Variants in NCOA6 observed in about 807,000 individuals in gnomAD.
NCOA6 encodes the protein nuclear receptor coactivator 6, also known as NRC RAP250.
NCOA6 carries 49 observed loss-of-function variants against 171.4 expected under a neutral mutation model. The observed-to-expected ratio is 0.29, with a 90% CI of 0.23 to 0.36. The LOEUF (loss-of-function observed/expected upper bound fraction) is 0.36. Ranked by LOEUF, NCOA6 falls within the 10% of genes least tolerant of loss-of-function variation. NCOA6 has a pLI of 1.00. For synonymous variants in NCOA6, 910 were observed against 927.5 expected, an observed-to-expected ratio of 0.98 and a Z score of 0.34; for missense variants, 2,248 against 2,554.5, an observed-to-expected ratio of 0.88 and a Z score of 2.59.
chr20:34,757,419 G>A lies in NCOA6; in HGVS notation c.1329C>T (p.Ser443=). 1 of 1,613,904 alleles carries A rather than the reference G, an allele frequency of 6.2e-7. No individual in the cohort carries two copies. Among genetic ancestry groups the A allele is most frequent in the Non-Finnish European group, 8.5e-7 (1 of 1,179,858 alleles). ...SSFQQGSPAS[S]PTVNQTQQQM... ...GCTGCTGAGTTTGGTTAACCGTTGG[G>A]GAGGATGCAGGGGATCCCTGCTGGA... Residue 443 remains serine, a synonymous_variant, in exon 7 of 15, where the codon TCC becomes TCT. Coordinates refer to ENST00000359003, the MANE Select transcript of NCOA6 (RefSeq NM_014071.5).
chr20:34,801,857 T>C (rs62211613), intron 1 of NCOA6, among the ~76,000 whole-genome samples: 6,261 of 146,728 alleles, frequency 0.043, 209 homozygotes, highest in Non-Finnish European at 0.075. Flanking sequence ...AGAGACTCCA[T>C]CTCAAAAACA....
At chr20:34,818,107 C>G (rs1423502974) in intron 1 of NCOA6, among the ~76,000 whole-genome samples, 1 of 152,196 alleles carries the variant, frequency 6.6e-6, no homozygotes, top group African/African-American at 2.4e-5. Context: ...AAAACCAGTG[C>G]CTACCTCATC....
At chr20:34,732,420 C>T (rs956594534) in intron 13 of NCOA6, 139 bp downstream of exon 13, 14 of 696,814 alleles carry the variant, frequency 2.0e-5, no homozygotes, top group South Asian at 9.3e-5. Context: ...CAGCTCTCTA[C>T]GTTAGCAGTA....
At position 34,764,337 on chromosome 20, in the gene NCOA6, T is replaced by C. The variant is rs542385271; in HGVS notation, c.514+4127A>G. Reference sequence around the variant, plus strand: ...CTCCTGACCTTGTGATCTGCTCACCTTGGCCTCCCAAAGTGCTGGGATTAC... The same window carrying C: ...CTCCTGACCTTGTGATCTGCTCACCCTGGCCTCCCAAAGTGCTGGGATTAC... On this transcript the variant is annotated intron_variant, in intron 5 of 14. Coordinates refer to ENST00000359003, the MANE Select transcript of NCOA6 (RefSeq NM_014071.5). Among the ~76,000 whole-genome samples the C allele has an allele frequency of 1.3e-3, 205 of 152,270 alleles. 3 individuals carry two copies. Among genetic ancestry groups the C allele is most frequent in the African/African-American group, 4.7e-3 (197 of 41,578 alleles).
At position 34,741,803 on chromosome 20, in the gene NCOA6, T is replaced by G. The variant is rs1171961197; in HGVS notation, c.4453A>C (p.Arg1485=). Residue 1485 remains arginine (R), a synonymous_variant, in exon 11 of 15, where the codon AGG becomes CGG. Coordinates refer to ENST00000359003, the MANE Select transcript of NCOA6 (RefSeq NM_014071.5). ...TGACTTAACGATGTTGGTGCTTCCC[T>G]CATAGCAGGAGACACCAAATTTTTG... ...ENKNLVSPAM[R]EAPTSLSQLL... The G allele has an allele frequency of 1.2e-6, 2 of 1,614,084 alleles. No homozygotes were observed. Among genetic ancestry groups the G allele is most frequent in the African/African-American group, 2.7e-5 (2 of 74,918 alleles).
chr20:34,776,674 T>C, intron 3 of NCOA6: 1 of 649,536 alleles, frequency 1.5e-6, no homozygotes, highest in South Asian at 1.6e-5. Flanking sequence ...ACTTATCTTT[T>C]TCTTTTCTAA....
At chr20:34,770,577 T>C (rs1169681832) in intron 4 of NCOA6, among the ~76,000 whole-genome samples, 1 of 152,106 alleles carries the variant, frequency 6.6e-6, no homozygotes, top group Admixed American at 6.6e-5. Flanking sequence ...TCAGTTCGTA[T>C]CATTCCTTAA....
intron 2 of NCOA6, among the ~76,000 whole-genome samples, chr20:34,785,414 G>A (rs1055596316): frequency 6.1e-5 from 9 of 147,118 alleles, no homozygotes; most frequent in Admixed American, 2.0e-4. Flanking sequence ...AGGTAACAGC[G>A]AGACCATGTC....
chr20:34,768,586 C>T lies in NCOA6; in HGVS notation c.392G>A (p.Gly131Glu), dbSNP rs1418325768. Reference protein sequence around the residue: ...DLGILSVQIEGEGAINLALAQ... With the variant: ...DLGILSVQIEEEGAINLALAQ... The stretch of plus-strand genomic sequence containing the variant: ...CAAAGCCAGGTTAATAGCACCTTCC[C>T]CTGAAAATGAGTCAAGTGATAAAAA... Residue 131 changes from glycine (G) to glutamate (E), a missense_variant and splice_region_variant, in exon 5 of 15, where the codon GGG becomes GAG. Around this residue, in one of 7 missense-constraint regions of NCOA6, gnomAD observed 987 missense variants for 1,104.7 expected, o/e 0.89. Transcript: ENST00000359003. 1 of 1,612,802 alleles carries T rather than the reference C, an allele frequency of 6.2e-7. No homozygotes were observed. Among genetic ancestry groups the T allele is most frequent in the Non-Finnish European group, 8.5e-7 (1 of 1,179,656 alleles).
chr20:34,721,238 C>CAAAAAAAAAAAAAAAAA (rs10531679), intron 14 of NCOA6, among the ~76,000 whole-genome samples: 14 of 66,044 alleles, frequency 2.1e-4, no homozygotes, highest in African/African-American at 8.9e-4. Flanking sequence ...TTCCTCTATA[C>CAAAAAAAAAAAAAAAAA]AAAAAAAAAA....
intron 1 of NCOA6, among the ~76,000 whole-genome samples, chr20:34,818,834 T>C (rs1394675905): frequency 6.6e-6 from 1 of 152,208 alleles, no homozygotes; most frequent in South Asian, 2.1e-4. Context: ...TTTGAGAAAA[T>C]AATACCTATA....
At chr20:34,784,856 A>T (rs958614969) in intron 2 of NCOA6, among the ~76,000 whole-genome samples, 3 of 151,542 alleles carry the variant, frequency 2.0e-5, no homozygotes, top group Non-Finnish European at 4.4e-5. Flanking sequence ...TGAGGTGGGC[A>T]GATCACCTGA....
chr20:34,816,038 C>T (rs754041120), intron 1 of NCOA6, among the ~76,000 whole-genome samples: 6 of 152,294 alleles, frequency 3.9e-5, no homozygotes, highest in East Asian at 1.9e-4. Context: ...CAAGAAAGTA[C>T]GTCGGCTTCA....
chr20:34,771,073 T>C lies in NCOA6; in HGVS notation c.392-2487A>G, dbSNP rs542227473. On this transcript the variant is annotated intron_variant, in intron 4 of 14. Coordinates refer to ENST00000359003, the MANE Select transcript of NCOA6 (RefSeq NM_014071.5). Reference sequence around the variant, plus strand: ...AAACAGATGAAATTATCATTTATTTTACTTAATACATTCAATGTATTATTT... The same window carrying C: ...AAACAGATGAAATTATCATTTATTTCACTTAATACATTCAATGTATTATTT... 2.6e-5 allele frequency among the ~76,000 whole-genome samples: 4 copies of C among 152,382 alleles called. No individual in the cohort carries two copies. The South Asian group carries it at 8.3e-4, about 32-fold the overall frequency.
intron 1 of NCOA6, chr20:34,809,495 T>C (rs61252994): frequency 4.5e-4 from 180 of 398,526 alleles, no homozygotes; most frequent in African/African-American, 3.5e-3. Flanking sequence ...AGTTAGTCAG[T>C]GGGACCCCTC....
intron 8 of NCOA6, 113 bp from the exon 9 acceptor site, chr20:34,750,632 CCA>C (rs2076446914): frequency 1.7e-6 from 2 of 1,163,144 alleles, no homozygotes; most frequent in South Asian, 3.6e-5. Context: ...TATCCACTGA[CCA>C]ACATAAATAT....
At chr20:34,806,487 T>C (rs1356600023) in intron 1 of NCOA6, among the ~76,000 whole-genome samples, 1 of 152,238 alleles carries the variant, frequency 6.6e-6, no homozygotes, top group Non-Finnish European at 1.5e-5. Flanking sequence ...CACAGACCAA[T>C]GTCCTGAAGT....
chr20:34,801,825 A>G (rs1045840831), intron 1 of NCOA6, among the ~76,000 whole-genome samples: 7 of 152,140 alleles, frequency 4.6e-5, no homozygotes, highest in African/African-American at 1.7e-4. Flanking sequence ...AGATTGCATC[A>G]ATGCACTCCA....
chr20:34,797,852 C>T (rs778550252), intron 1 of NCOA6, among the ~76,000 whole-genome samples: 1 of 152,078 alleles, frequency 6.6e-6, no homozygotes, highest in Non-Finnish European at 1.5e-5. Flanking sequence ...CAAGATCACA[C>T]CATTGTACTC....
Sources: gnomAD v4.1 joint callset for allele counts (sites outside exome capture counted in the v4.1 genomes callset) on GRCh38, gnomAD v4.1.1 for gene constraint, gnomAD v4.1.1 regional missense constraint, MANE v1.5 for transcripts, NCBI Gene and HGNC (gene_info 2026-07-23, HGNC 2026-07-21) for gene names.